The following SHISA6 variants were observed in gnomAD, a reference collection of about 807,000 sequenced individuals.
SHISA6 encodes the protein shisa family member 6.
A neutral mutation model predicts 47.9 loss-of-function variants in SHISA6; 22 were observed. That is an observed-to-expected ratio of 0.46 (90% confidence interval 0.33 to 0.66). The LOEUF is 0.66. Among genes scored for constraint, SHISA6 ranks in the 30% least tolerant of loss-of-function variants. SHISA6 has a pLI of 0.02. For synonymous variants in SHISA6, 388 were observed against 337.8 expected (o/e 1.15, Z -1.63); for missense variants, 680 against 764.6 (o/e 0.89, Z 1.30).
At chr17:11,295,562 G>A (rs1249028599) in intron 2 of SHISA6, among the ~76,000 whole-genome samples, 1 of 152,188 alleles carries the variant, frequency 6.6e-6, no homozygotes, top group Non-Finnish European at 1.5e-5. Context: ...AGAAGTGGAT[G>A]CAATAAATGA....
At chr17:11,476,075 G>A (rs1916044031) in intron 3 of SHISA6, among the ~76,000 whole-genome samples, 1 of 151,988 alleles carries the variant, frequency 6.6e-6, no homozygotes, top group Non-Finnish European at 1.5e-5. Flanking sequence ...TGGGCATAGA[G>A]TTTTTCATAG....
chr17:11,482,918 A>C (rs1916255606), intron 3 of SHISA6, among the ~76,000 whole-genome samples: 1 of 152,234 alleles, frequency 6.6e-6, no homozygotes, highest in Non-Finnish European at 1.5e-5. Flanking sequence ...TATAGAGTTA[A>C]ATATAACACT....
Position 11,241,390 on chromosome 17 carries a change from A to G in SHISA6, c.-33A>G. On this transcript the variant is annotated 5_prime_UTR_variant, in exon 1 of 6. Transcript: ENST00000441885. The surrounding 1 kb of genome is among the most constrained non-coding windows in gnomAD (Gnocchi z 5.5). ...CCGCCGGGGGAGCGGCCTGCCGCGG[A>G]AGCCTCCCCGCGCCCTCCCGCCCGG... The G allele has an allele frequency of 9.4e-7, 1 of 1,066,340 alleles. No homozygotes were observed. Among genetic ancestry groups the G allele is most frequent in the Non-Finnish European group, 1.1e-6 (1 of 884,466 alleles). The allele number at this position is 1,066,340 out of a possible 1,614,324, so 66.1% of individuals were successfully genotyped here. A position where few individuals can be genotyped will look rare whatever the true frequency, so the allele number is the denominator to read the frequency against.
In SHISA6 at chr17:11,371,451, C is replaced by T. The variant is rs544628247; in HGVS notation, c.800-7963C>T. ...AAGGTAAGAGGACCCCAGGGAGGTACATGGGAAAGAGGAAAACTGTGGTCT... is the reference window on the plus strand; with the variant it reads ...AAGGTAAGAGGACCCCAGGGAGGTATATGGGAAAGAGGAAAACTGTGGTCT... On this transcript the variant is annotated intron_variant, in intron 2 of 5. Transcript: ENST00000441885. Among the ~76,000 whole-genome samples, 5 of 152,250 alleles carry T rather than the reference C, an allele frequency of 3.3e-5. No homozygotes were observed. The East Asian group carries it at 7.7e-4, about 24-fold the overall frequency.
Position 11,563,440 on chromosome 17 carries a change from T to A in SHISA6, c.*5136T>A, listed in dbSNP as rs720705. 26,775 of 151,974 alleles carry A rather than the reference T, an allele frequency of 0.18. 3,375 individuals carry two copies. The highest frequency in any genetic ancestry group is 0.36 in the African/African-American group (15,001 of 41,324). 9.4% of individuals were successfully genotyped at this position (151,974 alleles called of 1,614,324 possible). On this transcript the variant is annotated 3_prime_UTR_variant, in exon 6 of 6. Coordinates refer to ENST00000441885, the MANE Select transcript of SHISA6 (RefSeq NM_207386.4). ...GAATGGAGAGTCCAAGTTTGTGATATTCAAACCCATCTTGTAAATCAGCAA... is the reference window on the plus strand; with the variant it reads ...GAATGGAGAGTCCAAGTTTGTGATAATCAAACCCATCTTGTAAATCAGCAA...
intron 3 of SHISA6, among the ~76,000 whole-genome samples, chr17:11,492,408 T>G (rs2142339400): frequency 6.6e-6 from 1 of 152,324 alleles, no homozygotes; most frequent in South Asian, 2.1e-4. Flanking sequence ...AATGGGCTGG[T>G]TTAGAAATCA....
chr17:11,361,338 C>T (rs928077908), intron 2 of SHISA6, among the ~76,000 whole-genome samples: 2 of 152,062 alleles, frequency 1.3e-5, no homozygotes, highest in Non-Finnish European at 2.9e-5. Flanking sequence ...GTACTATTGC[C>T]ATGCATTTTT....
At chr17:11,371,377 C>A (rs939095995) in intron 2 of SHISA6, among the ~76,000 whole-genome samples, 1 of 152,122 alleles carries the variant, frequency 6.6e-6, no homozygotes, top group Non-Finnish European at 1.5e-5. Context: ...CTCTCCAGCT[C>A]CCTTTTCCCT....
At chr17:11,514,447 T>A (rs943872181) in intron 3 of SHISA6, among the ~76,000 whole-genome samples, 4 of 152,162 alleles carry the variant, frequency 2.6e-5, no homozygotes, top group African/African-American at 9.7e-5. Context: ...CAATTCTAAG[T>A]CAATCCTTCT....
At chr17:11,373,829 C>A (rs1912703574) in intron 2 of SHISA6, among the ~76,000 whole-genome samples, 3 of 152,190 alleles carry the variant, frequency 2.0e-5, no homozygotes, top group Admixed American at 2.0e-4. Context: ...ATTCTTTTCC[C>A]TAATTGTCGG....
intron 3 of SHISA6, among the ~76,000 whole-genome samples, chr17:11,506,403 C>A (rs955237225): frequency 6.6e-6 from 1 of 152,190 alleles, no homozygotes; most frequent in East Asian, 1.9e-4. Context: ...GGGTATCACA[C>A]ACAAGTAATT....
chr17:11,545,153 TAA>T (rs35283114), intron 3 of SHISA6, among the ~76,000 whole-genome samples: 6 of 144,310 alleles, frequency 4.2e-5, no homozygotes, highest in Non-Finnish European at 4.6e-5. Flanking sequence ...GTCGATGGTT[TAA>T]AAAAAAAAAA....
chr17:11,456,978 C>T (rs1347930515), intron 3 of SHISA6, among the ~76,000 whole-genome samples: 1 of 152,180 alleles, frequency 6.6e-6, no homozygotes, highest in Non-Finnish European at 1.5e-5. Flanking sequence ...AAGCTTCTGG[C>T]TCTTTGCCAC....
At chr17:11,275,502 A>G (rs1477546548) in intron 2 of SHISA6, among the ~76,000 whole-genome samples, 1 of 152,216 alleles carries the variant, frequency 6.6e-6, no homozygotes, top group African/African-American at 2.4e-5. Context: ...AGTGAACAAA[A>G]CAAAGTCCCT....
chr17:11,544,623 A>C (rs9891074), intron 3 of SHISA6, among the ~76,000 whole-genome samples: 2,801 of 152,290 alleles, frequency 0.018, 90 homozygotes, highest in African/African-American at 0.062. Context: ...GGAATGTAAA[A>C]TGGTACAGTC....
chr17:11,499,351 C>G lies in SHISA6; in HGVS notation c.896-52545C>G, dbSNP rs552460311. Among the ~76,000 whole-genome samples, 87 of 152,230 alleles carry G rather than the reference C, an allele frequency of 5.7e-4. No individual in the cohort carries two copies. In the Middle Eastern group the frequency reaches 0.01, roughly 18 times the overall value. Reference sequence around the variant, plus strand: ...GGAGTGGACTATAAAGCACCATTATCCCCTTTCAGGACGTTTTATCCTCTA... The same window carrying G: ...GGAGTGGACTATAAAGCACCATTATGCCCTTTCAGGACGTTTTATCCTCTA... On this transcript the variant is annotated intron_variant, in intron 3 of 5. Coordinates refer to ENST00000441885, the MANE Select transcript of SHISA6 (RefSeq NM_207386.4).
In SHISA6 at chr17:11,319,431, A is replaced by G. The variant is rs112939323; in HGVS notation, c.799+55905A>G. On this transcript the variant is annotated intron_variant, in intron 2 of 5. Coordinates refer to ENST00000441885, the MANE Select transcript of SHISA6 (RefSeq NM_207386.4). ...TTGTGTCTGGTGTAATAGTCTCTCA[A>G]AGGTCTCTGAGAATACTGATTTTAC... Among the ~76,000 whole-genome samples, 1,032 of 152,240 alleles carry G rather than the reference A, an allele frequency of 6.8e-3. 13 individuals carry two copies. The highest frequency in any genetic ancestry group is 0.023 in the African/African-American group (955 of 41,544).
intron 2 of SHISA6, among the ~76,000 whole-genome samples, chr17:11,327,921 G>GTCTC (rs111745061): frequency 4.0e-5 from 6 of 149,724 alleles, no homozygotes; most frequent in African/African-American, 1.2e-4. Flanking sequence ...CTCTCTCTCT[G>GTCTC]TCTCTCTCTC....
intron 3 of SHISA6, among the ~76,000 whole-genome samples, chr17:11,417,652 C>A (rs1306807129): frequency 6.6e-6 from 1 of 152,246 alleles, no homozygotes; most frequent in Non-Finnish European, 1.5e-5. Context: ...ACATACAAAA[C>A]AAACATAGAA....
Sources: allele counts gnomAD v4.1 joint callset (sites outside exome capture counted in the v4.1 genomes callset), GRCh38; gene constraint gnomAD v4.1.1; non-coding constraint Gnocchi (gnomAD v3.1); transcripts MANE v1.5; gene names NCBI Gene and HGNC (gene_info 2026-07-23, HGNC 2026-07-21).